Variants in ULK4 observed in about 807,000 individuals in gnomAD.
The protein encoded by ULK4 is inactive serine/threonine-protein kinase ULK4.
In ULK4, 133 loss-of-function variants were observed where a neutral mutation model predicts 160.6. The observed-to-expected ratio is 0.83, with a 90% CI of 0.72 to 0.96. The LOEUF is 0.96. Ranked by LOEUF, ULK4 falls within the 40% of genes least tolerant of loss-of-function variation. ULK4 has a pLI of 0.00. For synonymous variants in ULK4, 534 were observed against 539.8 expected, an observed-to-expected ratio of 0.99 and a Z score of 0.15; for missense variants, 1,580 against 1,499.5, an observed-to-expected ratio of 1.05 and a Z score of -0.89.
chr3:41,827,984 G>A (rs148457663), intron 18 of ULK4, among the ~76,000 whole-genome samples: 2,045 of 152,106 alleles, frequency 0.013, 41 homozygotes, highest in African/African-American at 0.046. Context: ...GGGATGCAAC[G>A]CTGGTTCAAC....
At chr3:41,380,778 C>T (rs893160776) in intron 35 of ULK4, among the ~76,000 whole-genome samples, 1 of 152,134 alleles carries the variant, frequency 6.6e-6, no homozygotes, top group Non-Finnish European at 1.5e-5. Context: ...TATCTTTACC[C>T]CTCCTCTTGA....
chr3:41,794,294 T>A (rs867309507), intron 20 of ULK4, among the ~76,000 whole-genome samples: 1 of 152,150 alleles, frequency 6.6e-6, no homozygotes, highest in Non-Finnish European at 1.5e-5. Context: ...TTAGCAGATA[T>A]CTACTGAGCA....
intron 21 of ULK4, among the ~76,000 whole-genome samples, chr3:41,765,450 T>C (rs1324277487): frequency 6.6e-6 from 1 of 152,094 alleles, no homozygotes; most frequent in African/African-American, 2.4e-5. Context: ...GAGATATACC[T>C]AATGTAAATG....
intron 31 of ULK4, among the ~76,000 whole-genome samples, chr3:41,582,635 A>G (rs761730154): frequency 6.6e-6 from 1 of 152,172 alleles, no homozygotes; most frequent in Non-Finnish European, 1.5e-5. Context: ...GCTTCTGGGC[A>G]TTGATTTCAA....
At chr3:41,627,213 G>A (rs1284344224) in intron 30 of ULK4, among the ~76,000 whole-genome samples, 1 of 152,122 alleles carries the variant, frequency 6.6e-6, no homozygotes, top group African/African-American at 2.4e-5. Flanking sequence ...AGAGAGCAGA[G>A]GAATCAGGAG....
intron 19 of ULK4, among the ~76,000 whole-genome samples, chr3:41,818,664 A>G (rs1301206312): frequency 6.6e-5 from 10 of 152,198 alleles, no homozygotes; most frequent in Admixed American, 6.5e-4. Flanking sequence ...CACTTGGAAC[A>G]TGATTCTGTT....
chr3:41,675,516 G>C (rs1307303083), intron 29 of ULK4, among the ~76,000 whole-genome samples: 2 of 152,062 alleles, frequency 1.3e-5, no homozygotes, highest in African/African-American at 4.8e-5. Context: ...CTTGAACCTG[G>C]GAGGCGAAGG....
At chr3:41,565,613 C>T (rs2087755790) in intron 32 of ULK4, among the ~76,000 whole-genome samples, 1 of 152,178 alleles carries the variant, frequency 6.6e-6, no homozygotes, top group African/African-American at 2.4e-5. Flanking sequence ...CAAAGAGTCT[C>T]CAACAGCATG....
rs34582395 is a variant in ULK4, at chr3:41,746,272, C to CAAAAAAAAAAAAAAAAA, written c.2321+8072_2321+8088dup. On this transcript the variant is annotated intron_variant, in intron 22 of 36. Transcript: ENST00000301831. Reference sequence around the variant, plus strand: ...TATATAGAAAATCTCCTGGAACCCACAAAAAAAAAAAAAAAAAAAAAAAAC... The same window carrying CAAAAAAAAAAAAAAAAA: ...TATATAGAAAATCTCCTGGAACCCACAAAAAAAAAAAAAAAAAAAAAAAAAAAAAAAAAAAAAAAAAC... Among the ~76,000 whole-genome samples, 27 of 45,712 alleles carry CAAAAAAAAAAAAAAAAA rather than the reference C, an allele frequency of 5.9e-4. 2 individuals are homozygous for CAAAAAAAAAAAAAAAAA. Among genetic ancestry groups the CAAAAAAAAAAAAAAAAA allele is most frequent in the African/African-American group, 2.8e-3 (26 of 9,398 alleles). 30.0% of individuals were successfully genotyped at this position (45,712 alleles called of 152,430 possible). A position where few individuals can be genotyped will look rare whatever the true frequency, so the allele number is the denominator to read the frequency against.
chr3:41,416,410 G>A (rs751111751), intron 34 of ULK4, among the ~76,000 whole-genome samples: 6 of 152,190 alleles, frequency 3.9e-5, no homozygotes, highest in Non-Finnish European at 7.4e-5. Flanking sequence ...GACTCTCCTG[G>A]GTCCTCACCC....
chr3:41,348,206 C>CAAAAAAAAAAA (rs1197234650), intron 35 of ULK4, among the ~76,000 whole-genome samples: 10 of 22,964 alleles, frequency 4.4e-4, no homozygotes, highest in African/African-American at 1.7e-3. Context: ...AACTCTGTCT[C>CAAAAAAAAAAA]AAAAAAAAAA....
chr3:41,935,209 ATTTTTTTTTTTTTTTTTTT>A (rs10524611), intron 4 of ULK4, among the ~76,000 whole-genome samples: 15 of 135,612 alleles, frequency 1.1e-4, no homozygotes, highest in African/African-American at 4.2e-4. Context: ...TTATTTATTT[ATTTTTTTTTTTTTTTTTTT>A]TTTTTTTTTT....
At chr3:41,566,283 A>G (rs1490385191) in intron 31 of ULK4, among the ~76,000 whole-genome samples, 153 bp from the exon 32 acceptor site, 1 of 152,212 alleles carries the variant, frequency 6.6e-6, no homozygotes, top group Non-Finnish European at 1.5e-5. Context: ...CTTCTATGTT[A>G]AGACAAATCC....
At chr3:41,937,669 G>A (rs1454993214) in intron 3 of ULK4, among the ~76,000 whole-genome samples, 1 of 152,026 alleles carries the variant, frequency 6.6e-6, no homozygotes, top group Non-Finnish European at 1.5e-5. Flanking sequence ...GCTATAACTT[G>A]TTATCTCTAA....
At chr3:41,594,962 GAT>G (rs1362080300) in intron 31 of ULK4, among the ~76,000 whole-genome samples, 1 of 152,164 alleles carries the variant, frequency 6.6e-6, no homozygotes, top group Non-Finnish European at 1.5e-5. Flanking sequence ...GCTAGGGAGA[GAT>G]ATATGTCACT....
intron 35 of ULK4, among the ~76,000 whole-genome samples, chr3:41,261,040 T>A (rs1231638056): frequency 6.6e-6 from 1 of 152,120 alleles, no homozygotes; most frequent in Admixed American, 6.5e-5. Flanking sequence ...AGGGCAGCGA[T>A]GAGTCTCCAT....
chr3:41,296,370 A>T (rs1214660949), intron 35 of ULK4, among the ~76,000 whole-genome samples: 1 of 152,008 alleles, frequency 6.6e-6, no homozygotes, highest in South Asian at 2.1e-4. Flanking sequence ...GGAAGTAGAA[A>T]CCCTCTGGGG....
intron 32 of ULK4, among the ~76,000 whole-genome samples, chr3:41,552,263 C>G (rs1290687820): frequency 6.6e-6 from 1 of 151,880 alleles, no homozygotes; most frequent in African/African-American, 2.4e-5. Context: ...CTAGCCAGAG[C>G]AATCAAGCAA....
At chr3:41,625,967 A>G (rs2033486649) in intron 30 of ULK4, among the ~76,000 whole-genome samples, 1 of 152,206 alleles carries the variant, frequency 6.6e-6, no homozygotes, top group South Asian at 2.1e-4. Context: ...GTAACTCCAG[A>G]TGGGTAAACT....
Sources: allele counts gnomAD v4.1 joint callset (sites outside exome capture counted in the v4.1 genomes callset), GRCh38; gene constraint gnomAD v4.1.1; transcripts MANE v1.5; gene names NCBI Gene and HGNC (gene_info 2026-07-23, HGNC 2026-07-21).